ZFR2: variants seen among roughly 807,000 people sequenced by gnomAD.
ZFR2 encodes the protein zinc finger RNA binding protein 2.
Under a neutral mutation model 105.7 loss-of-function variants are expected in ZFR2, and 104 were observed. The ratio of observed to expected loss-of-function variants is 0.98; its 90% CI spans 0.84 to 1.16. ZFR2 has a LOEUF of 1.16. ZFR2 is among the 50% of genes most tolerant of loss of function. The pLI is 0.00. For missense variants in ZFR2, 1,425 were observed against 1,355.5 expected (o/e 1.05, Z -0.80); for synonymous variants, 634 against 597.7 (o/e 1.06, Z -0.89).
chr19:3,831,532 G>A lies in ZFR2; in HGVS notation c.623C>T (p.Ala208Val), dbSNP rs1031937481. 1.7e-5 allele frequency: 26 copies of A among 1,560,690 alleles called. No homozygotes were observed. In the Admixed American group the frequency reaches 1.9e-4, roughly 12 times the overall value. ...YTAPSYPNYD[A>V]SVYSAASPFY... ...AGGGCTGGCAGCGGAGTACACCGAC[G>A]CGTCATAGTTCGGGTAGCTTGGTGC... The change falls in exon 5 of 19, where the codon GCG becomes GTG. Residue 208 changes from alanine to valine, a missense_variant. Transcript: ENST00000262961.
At chr19:3,860,860 C>T (rs930676117) in intron 1 of ZFR2, among the ~76,000 whole-genome samples, 2 of 152,178 alleles carry the variant, frequency 1.3e-5, no homozygotes, top group South Asian at 4.1e-4. Flanking sequence ...CTGCAGAGCC[C>T]TGTCTGTGCT....
intron 14 of ZFR2, among the ~76,000 whole-genome samples, chr19:3,811,954 T>A (rs2145134705): frequency 6.6e-6 from 1 of 152,098 alleles, no homozygotes; most frequent in Admixed American, 6.6e-5. Flanking sequence ...TATTTGTTTG[T>A]TTGTGTTGAG....
chr19:3,830,921 A>T (rs967559138), intron 5 of ZFR2, among the ~76,000 whole-genome samples: 3 of 152,106 alleles, frequency 2.0e-5, no homozygotes, highest in Non-Finnish European at 2.9e-5. Context: ...GCGCATGCAC[A>T]CACATACACA....
chr19:3,834,572 G>A lies in ZFR2; in HGVS notation c.264+201C>T, dbSNP rs532608023. ...GGAGGTACGCATGCGGCCTGTCCCCGAGAGCAGTGGATTCTTTCGGAAGCG... is the reference window on the plus strand; with the variant it reads ...GGAGGTACGCATGCGGCCTGTCCCCAAGAGCAGTGGATTCTTTCGGAAGCG... On this transcript the variant is annotated intron_variant, in intron 2 of 18. Coordinates refer to ENST00000262961, the MANE Select transcript of ZFR2 (RefSeq NM_015174.2). The surrounding 1 kb of genome is among the most constrained non-coding windows in gnomAD (Gnocchi z 5.3). 1.7e-4 allele frequency among the ~76,000 whole-genome samples: 26 copies of A among 152,294 alleles called. No individual in the cohort carries two copies. The highest frequency in any genetic ancestry group is 5.1e-4 in the African/African-American group (21 of 41,558).
At chr19:3,842,043 G>C in intron 1 of ZFR2, among the ~76,000 whole-genome samples, 1 of 150,924 alleles carries the variant, frequency 6.6e-6, no homozygotes, top group Non-Finnish European at 1.5e-5. Flanking sequence ...GATAGGGTCT[G>C]GCTCTGTCAC....
intron 1 of ZFR2, among the ~76,000 whole-genome samples, chr19:3,854,704 C>T (rs1448861044): frequency 3.3e-5 from 5 of 152,194 alleles, no homozygotes; most frequent in Admixed American, 3.3e-4. Flanking sequence ...AGCCCTTTTA[C>T]ATTCTTGCAG....
At position 3,843,540 on chromosome 19, in the gene ZFR2, A is replaced by C. The variant is rs143206961; in HGVS notation, c.54-8557T>G. Among the ~76,000 whole-genome samples the C allele has an allele frequency of 2.8e-4, 40 of 145,354 alleles. No homozygotes were observed. In the East Asian group the frequency reaches 7.8e-3, roughly 28 times the overall value. On this transcript the variant is annotated intron_variant, in intron 1 of 18. Coordinates refer to ENST00000262961, the MANE Select transcript of ZFR2 (RefSeq NM_015174.2). The stretch of plus-strand genomic sequence containing the variant: ...GAAATATGATTCGGCCTTAAAAAGA[A>C]AACAAGTCCTGGCCGGGCGCGGTGG...
intron 5 of ZFR2, among the ~76,000 whole-genome samples, chr19:3,830,236 C>T (rs987368020): frequency 3.3e-5 from 5 of 151,856 alleles, no homozygotes; most frequent in South Asian, 2.1e-4. Context: ...CCCAGGAGTT[C>T]GAGACTGGAC....
intron 15 of ZFR2, 102 bp from the exon 16 acceptor site, chr19:3,810,947 G>A: frequency 2.3e-6 from 3 of 1,295,522 alleles, no homozygotes; most frequent in African/African-American, 1.5e-5. Context: ...GGATAATAGG[G>A]AGCCTGGCGG....
intron 1 of ZFR2, among the ~76,000 whole-genome samples, chr19:3,845,086 A>G (rs1022118342): frequency 6.6e-6 from 1 of 152,174 alleles, no homozygotes; most frequent in African/African-American, 2.4e-5. Context: ...TGTGGCTTGC[A>G]GACGGCAGTC....
Position 3,808,915 on chromosome 19 carries a change from G to C in ZFR2, c.2502C>G (p.Val834=). The change falls in exon 17 of 19, where the codon GTC becomes GTG. Residue 834 remains valine (V), a synonymous_variant. Transcript: ENST00000262961. ...AAGPLGPGDA[V]RRVLECVATG... is the part of the protein sequence containing the mutation. Reference sequence around the variant, plus strand: ...TGGCCACGCACTCCAGGACTCGCCTGACTGCATCCCCGGGGCCCAGGGGCC... The same window carrying C: ...TGGCCACGCACTCCAGGACTCGCCTCACTGCATCCCCGGGGCCCAGGGGCC... 1 of 1,570,374 alleles carries C rather than the reference G, an allele frequency of 6.4e-7. No homozygotes were observed. Among genetic ancestry groups the C allele is most frequent in the South Asian group, 1.2e-5 (1 of 85,578 alleles).
At chr19:3,845,316 T>C (rs561147491) in intron 1 of ZFR2, among the ~76,000 whole-genome samples, 1 of 152,174 alleles carries the variant, frequency 6.6e-6, no homozygotes, top group African/African-American at 2.4e-5. Context: ...AAAATTTTTT[T>C]TTTATTACAG....
chr19:3,817,136 C>T (rs1221230097), intron 12 of ZFR2, among the ~76,000 whole-genome samples: 2 of 152,186 alleles, frequency 1.3e-5, no homozygotes, highest in East Asian at 1.9e-4. Context: ...GCCCCAGGCC[C>T]GCCCCGCGAG....
rs745999557 is a variant in ZFR2, at chr19:3,823,371, G to T, written c.1246C>A (p.Pro416Thr). 1.9e-6 allele frequency: 3 copies of T among 1,612,986 alleles called. No homozygotes were observed. In the South Asian group the frequency reaches 3.3e-5, roughly 18 times the overall value. Residue 416 changes from proline to threonine, a missense_variant, in exon 8 of 19, where the codon CCC (proline) becomes ACC (threonine). Coordinates refer to ENST00000262961, the MANE Select transcript of ZFR2 (RefSeq NM_015174.2). The surrounding 1 kb of genome is among the most constrained non-coding windows in gnomAD (Gnocchi z 5.4). ...PPEPQAAGCR[P>T]QWGKPAQPKL... The stretch of plus-strand genomic sequence containing the variant: ...GGTTGGGCTGGTTTCCCCCACTGGG[G>T]TCTGCAGCCTGCTGCCTGTGGCTCA...
At position 3,834,995 on chromosome 19, in the gene ZFR2, A is replaced by G. The variant is rs1318205671; in HGVS notation, c.54-12T>C. The G allele has an allele frequency of 1.2e-6, 2 of 1,603,880 alleles. No homozygotes were observed. Among genetic ancestry groups the G allele is most frequent in the Non-Finnish European group, 1.7e-6 (2 of 1,176,822 alleles). ...TCGGAGGCTGGGCGCTAGAACCACAAACACACACCAAAGCCCCACCAGGTT... is the reference window on the plus strand; with the variant it reads ...TCGGAGGCTGGGCGCTAGAACCACAGACACACACCAAAGCCCCACCAGGTT... On this transcript the variant is annotated splice_polypyrimidine_tract_variant and intron_variant, in intron 1 of 18. Coordinates refer to ENST00000262961, the MANE Select transcript of ZFR2 (RefSeq NM_015174.2). This position sits in a 1 kb window ranked among gnomAD's most constrained non-coding sequence, Gnocchi z 5.3.
chr19:3,860,297 C>T (rs1268638104), intron 1 of ZFR2, among the ~76,000 whole-genome samples: 1 of 151,850 alleles, frequency 6.6e-6, no homozygotes, highest in Admixed American at 6.6e-5. Context: ...CCTCGGCCTC[C>T]CAAAGTGCTG....
Position 3,816,743 on chromosome 19 carries a change from C to G in ZFR2, c.2034G>C (p.Leu678=), listed in dbSNP as rs201259174. The G allele has an allele frequency of 6.4e-5, 103 of 1,612,618 alleles. No individual in the cohort carries two copies. Among genetic ancestry groups the G allele is most frequent in the Middle Eastern group, 5.0e-4 (3 of 6,052 alleles). The part of the protein sequence containing the change: ...LRGDRNVRLA[L]LCSEKPTHSL... ...TGTGCGTGGGCTTCTCGGAGCAGAG[C>G]AGAGCGAGGCGCACGTTCCTGTCCC... The change falls in exon 13 of 19, where the codon CTG becomes CTC. Residue 678 remains leucine (L), a synonymous_variant. Coordinates refer to ENST00000262961, the MANE Select transcript of ZFR2 (RefSeq NM_015174.2).
Position 3,811,331 on chromosome 19 carries a change from G to A in ZFR2, c.2278C>T (p.Leu760=). ...GACTCGAGGCACTTCTTGGGGCTCA[G>A]GACATCACCTGCATCAGCCTGAGGC... ...EEPQADAGDV[L]SPKKCLESLA... is the part of the protein sequence containing the mutation. The change falls in exon 15 of 19, where the codon CTG becomes TTG. Residue 760 remains leucine, a synonymous_variant. Transcript: ENST00000262961. The A allele has an allele frequency of 6.2e-7, 1 of 1,604,878 alleles. No individual in the cohort carries two copies. Among genetic ancestry groups the A allele is most frequent in the Non-Finnish European group, 8.5e-7 (1 of 1,176,402 alleles).
chr19:3,853,176 A>C (rs1254143020), intron 1 of ZFR2, among the ~76,000 whole-genome samples: 1 of 152,180 alleles, frequency 6.6e-6, no homozygotes, highest in African/African-American at 2.4e-5. Context: ...TAGGGATTAG[A>C]GCCTAGCTCT....
Sources: allele counts gnomAD v4.1 joint callset (sites outside exome capture counted in the v4.1 genomes callset), GRCh38; gene constraint gnomAD v4.1.1; non-coding constraint Gnocchi (gnomAD v3.1); transcripts MANE v1.5; gene names NCBI Gene and HGNC (gene_info 2026-07-23, HGNC 2026-07-21).